Variants in CLEC5A observed in about 807,000 individuals in gnomAD.
CLEC5A encodes the protein C-type lectin domain containing 5A.
A neutral mutation model predicts 24.4 loss-of-function variants in CLEC5A; 15 were observed. The observed-to-expected ratio is 0.62, with a 90% CI of 0.41 to 0.95. CLEC5A has a LOEUF of 0.95. Ranked by LOEUF, CLEC5A falls within the 40% of genes least tolerant of loss-of-function variation. The pLI, the probability that CLEC5A is intolerant of heterozygous loss-of-function variation, is 0.00. For missense variants in CLEC5A, 211 were observed against 224.0 expected (o/e 0.94, Z 0.37); for synonymous variants, 71 against 72.6 (o/e 0.98, Z 0.11).
At chr7:141,936,800 C>G (rs1387445448) in intron 4 of CLEC5A, among the ~76,000 whole-genome samples, 1 of 152,004 alleles carries the variant, frequency 6.6e-6, no homozygotes, top group Non-Finnish European at 1.5e-5. Flanking sequence ...CCCTTTCTTT[C>G]TGCTTGAGGA....
At chr7:141,931,632 G>C (rs200370885) in intron 6 of CLEC5A, 88 bp downstream of exon 6, 103 of 774,394 alleles carry the variant, frequency 1.3e-4, no homozygotes, top group Non-Finnish European at 2.1e-4. Flanking sequence ...GTCAGCGTTT[G>C]AGCTATTCCA....
intron 4 of CLEC5A, among the ~76,000 whole-genome samples, chr7:141,940,605 A>G (rs1802762296): frequency 6.6e-6 from 1 of 151,888 alleles, no homozygotes; most frequent in Non-Finnish European, 1.5e-5. Context: ...AATTGAAATG[A>G]AGAAAACAAT....
At position 141,935,939 on chromosome 7, in the gene CLEC5A, C is replaced by G; in HGVS notation, c.220G>C (p.Asp74His). 1.9e-6 allele frequency: 3 copies of G among 1,613,544 alleles called. No individual in the cohort carries two copies. The highest frequency in any genetic ancestry group is 2.5e-6 in the Non-Finnish European group (3 of 1,179,504). ...TRSYGTVCPK[D>H]WEFYQARCFF... ...CATCTTGCTTGATAAAATTCCCAGT[C>G]TTTGGGGCAGACTGAAGAGGTCCAA... is the stretch of plus-strand genomic sequence containing the variant. Residue 74 changes from aspartate to histidine, a missense_variant, in exon 5 of 7, where the codon GAC becomes CAC. Transcript: ENST00000546910.
In CLEC5A at chr7:141,929,139, G is replaced by T. The variant is rs782553757; in HGVS notation, c.*965C>A. On this transcript the variant is annotated 3_prime_UTR_variant, in exon 7 of 7. Transcript: ENST00000546910. ...CAGCCCTTCTCTTTTCCTACTCTTC[G>T]TCGGCTGGACCAGTTCTAGATCAAT... is the stretch of plus-strand genomic sequence containing the variant. The T allele has an allele frequency of 6.6e-6, 1 of 152,032 alleles. No individual in the cohort carries two copies. Among genetic ancestry groups the T allele is most frequent in the East Asian group, 1.9e-4 (1 of 5,194 alleles). 9.4% of individuals were successfully genotyped at this position (152,032 alleles called of 1,614,324 possible).
rs1802955257 is a variant in CLEC5A at position 141,946,299 on chromosome 7, G to C, written c.-7C>G. 2 of 1,562,094 alleles carry C rather than the reference G, an allele frequency of 1.3e-6. No individual in the cohort carries two copies. Among genetic ancestry groups the C allele is most frequent in the Non-Finnish European group, 1.7e-6 (2 of 1,151,924 alleles). On this transcript the variant is annotated 5_prime_UTR_variant, in exon 2 of 7. Coordinates refer to ENST00000546910, the MANE Select transcript of CLEC5A (RefSeq NM_013252.3). ...TGATCATGTGCCAGTTCATGATGAA[G>C]GAGCTGCAGGGGCCTGTGAAGATTA...
intron 5 of CLEC5A, among the ~76,000 whole-genome samples, chr7:141,932,500 G>A (rs1273038602): frequency 1.3e-5 from 2 of 152,138 alleles, no homozygotes; most frequent in Admixed American, 1.3e-4. Flanking sequence ...CATAATCAGT[G>A]GGTATCCAAG....
chr7:141,933,847 G>A (rs12668558), intron 5 of CLEC5A, among the ~76,000 whole-genome samples: 5,814 of 151,996 alleles, frequency 0.038, 185 homozygotes, highest in South Asian at 0.18. Flanking sequence ...CATGCCCAGA[G>A]GGAGAAAGAG....
At chr7:141,945,141 G>GA (rs1433695053) in intron 3 of CLEC5A, among the ~76,000 whole-genome samples, 200 bp downstream of exon 3, 13 of 152,154 alleles carry the variant, frequency 8.5e-5, no homozygotes, top group African/African-American at 1.2e-4. Context: ...ATATCCAGGA[G>GA]AAAAACTAAG....
rs934164106 is a variant in CLEC5A, at chr7:141,929,862, G to T, written c.*242C>A. 2.7e-5 allele frequency: 12 copies of T among 438,248 alleles called. No individual in the cohort carries two copies. Among genetic ancestry groups the T allele is most frequent in the Non-Finnish European group, 4.1e-6 (1 of 244,050 alleles). The allele number at this position is 438,248 out of a possible 1,614,324, so 27.1% of individuals were successfully genotyped here. ...TAGGCCTTTTTGATCAGTCAGAAATGCTCAGTACTACAGAAGCGGACCTCA... is the reference window on the plus strand; with the variant it reads ...TAGGCCTTTTTGATCAGTCAGAAATTCTCAGTACTACAGAAGCGGACCTCA... On this transcript the variant is annotated 3_prime_UTR_variant, in exon 7 of 7. Transcript: ENST00000546910.
intron 6 of CLEC5A, 85 bp from the exon 7 acceptor site, chr7:141,930,303 C>T (rs1305912461): frequency 9.8e-7 from 1 of 1,020,552 alleles, no homozygotes; most frequent in Admixed American, 2.0e-5. Context: ...CAGCCTCTTC[C>T]TGATTCCAGA....
At chr7:141,940,797 G>A (rs976481743) in intron 4 of CLEC5A, among the ~76,000 whole-genome samples, 1 of 151,816 alleles carries the variant, frequency 6.6e-6, no homozygotes, top group African/African-American at 2.4e-5. Context: ...ACTGCTATGA[G>A]CAACTATATG....
At chr7:141,931,617 C>G (rs782192682) in intron 6 of CLEC5A, 103 bp downstream of exon 6, 22 of 732,510 alleles carry the variant, frequency 3.0e-5, no homozygotes, top group Non-Finnish European at 4.3e-5. Context: ...AGAACAGAGT[C>G]AAGTGTCAGC....
At chr7:141,942,411 TA>T (rs1554441713) in intron 4 of CLEC5A, among the ~76,000 whole-genome samples, 1 of 152,090 alleles carries the variant, frequency 6.6e-6, no homozygotes, top group African/African-American at 2.4e-5. Flanking sequence ...TCTCTTGACA[TA>T]TACAAAAACC....
intron 4 of CLEC5A, among the ~76,000 whole-genome samples, chr7:141,943,378 T>C (rs576918930): frequency 3.9e-5 from 6 of 152,196 alleles, no homozygotes; most frequent in Admixed American, 1.3e-4. Context: ...TTTGAAACAA[T>C]TGAACTCATG....
chr7:141,944,418 G>A (rs1331676077), intron 3 of CLEC5A, among the ~76,000 whole-genome samples: 2 of 151,984 alleles, frequency 1.3e-5, no homozygotes, highest in Non-Finnish European at 2.9e-5. Context: ...CATAATCCTG[G>A]GCAACTCTGG....
intron 5 of CLEC5A, among the ~76,000 whole-genome samples, chr7:141,933,002 A>C (rs1456742706): frequency 6.6e-6 from 1 of 152,232 alleles, no homozygotes; most frequent in East Asian, 1.9e-4. Context: ...AACCACTGGA[A>C]TGTTATGAAA....
In CLEC5A at chr7:141,935,833, A is replaced by G. The variant is rs368592730; in HGVS notation, c.326T>C (p.Val109Ala). Residue 109 changes from valine (V) to alanine (A), a missense_variant, in exon 5 of 7, where the codon GTC becomes GCC. Val to Ala is a moderately conservative substitution (Grantham distance 64). Coordinates refer to ENST00000546910, the MANE Select transcript of CLEC5A (RefSeq NM_013252.3). ...CKGKGSTLAI[V>A]NTPEKLKFLQ... is the part of the protein sequence containing the mutation. ...TCTCACCAGTTTCTCTGGCGTGTTG[A>G]CAATTGCCAATGTGGATCCTTTTCC... 10 of 1,613,940 alleles carry G rather than the reference A, an allele frequency of 6.2e-6. No individual in the cohort carries two copies. The African/African-American group carries it at 1.2e-4, about 19-fold the overall frequency.
chr7:141,934,340 A>T (rs1802552049), intron 5 of CLEC5A, among the ~76,000 whole-genome samples: 1 of 152,216 alleles, frequency 6.6e-6, no homozygotes. Flanking sequence ...TTAACAAATA[A>T]TTGAGGAAGA....
intron 4 of CLEC5A, among the ~76,000 whole-genome samples, chr7:141,936,975 T>C (rs1802651630): frequency 6.6e-6 from 1 of 151,872 alleles, no homozygotes; most frequent in Non-Finnish European, 1.5e-5. Context: ...GAATCCTCTG[T>C]CTTGAAGATA....
Sources: allele counts gnomAD v4.1 joint callset (sites outside exome capture counted in the v4.1 genomes callset), GRCh38; gene constraint gnomAD v4.1.1; transcripts MANE v1.5; gene names NCBI Gene and HGNC (gene_info 2026-07-23, HGNC 2026-07-21).